The following MTX2 variants were observed in gnomAD, a reference collection of about 807,000 sequenced individuals.
The protein encoded by MTX2 is metaxin-2.
Under a neutral mutation model 42.3 loss-of-function variants are expected in MTX2, and 35 were observed. The ratio of observed to expected loss-of-function variants is 0.83; its 90% confidence interval spans 0.63 to 1.10. The LOEUF is 1.10. Ranked by LOEUF, MTX2 falls within the 50% of genes least tolerant of loss-of-function variation. The pLI is 0.00. For synonymous variants in MTX2, 119 were observed against 100.9 expected (o/e 1.18, Z -1.08); for missense variants, 307 against 304.1 (o/e 1.01, Z -0.07).
chr2:176,277,077 G>A (rs1692966467), intron 1 of MTX2, among the ~76,000 whole-genome samples: 1 of 152,154 alleles, frequency 6.6e-6, no homozygotes, highest in Non-Finnish European at 1.5e-5. Flanking sequence ...TAGTTTTGCA[G>A]CGTTCCATGG....
chr2:176,326,753 AT>A (rs977606270), intron 4 of MTX2, 71 bp from the exon 5 acceptor site: 59 of 998,520 alleles, frequency 5.9e-5, no homozygotes, highest in South Asian at 8.7e-5. Flanking sequence ...TTTTGTGTTA[AT>A]TTTTTTTAAT....
chr2:176,328,446 ATCTT>A (rs1477813944), intron 6 of MTX2, 61 bp downstream of exon 6: 5 of 1,079,190 alleles, frequency 4.6e-6, no homozygotes, highest in Non-Finnish European at 6.5e-6. Context: ...ATAAAATATA[ATCTT>A]TCTTATGGGT....
At chr2:176,310,840 G>A (rs112940229) in intron 3 of MTX2, among the ~76,000 whole-genome samples, 1 of 152,100 alleles carries the variant, frequency 6.6e-6, no homozygotes, top group Non-Finnish European at 1.5e-5. Context: ...CTATGGGTTT[G>A]AACATCCTCC....
At chr2:176,281,993 T>G (rs1693087520) in intron 1 of MTX2, among the ~76,000 whole-genome samples, 1 of 152,170 alleles carries the variant, frequency 6.6e-6, no homozygotes, top group Non-Finnish European at 1.5e-5. Flanking sequence ...TCTGTGTGTC[T>G]TTGATTAGGA....
At chr2:176,279,040 A>G (rs575925420) in intron 1 of MTX2, among the ~76,000 whole-genome samples, 47 of 152,322 alleles carry the variant, frequency 3.1e-4, no homozygotes, top group Non-Finnish European at 4.7e-4. Flanking sequence ...TGTCATGACA[A>G]TTCTCGTTAA....
At chr2:176,283,677 T>C (rs1243453960) in intron 1 of MTX2, among the ~76,000 whole-genome samples, 1 of 152,214 alleles carries the variant, frequency 6.6e-6, no homozygotes, top group Non-Finnish European at 1.5e-5. Context: ...CTTAAAAACA[T>C]AGGTGCTGAC....
At chr2:176,326,154 A>G (rs996443574) in intron 4 of MTX2, among the ~76,000 whole-genome samples, 2 of 151,714 alleles carry the variant, frequency 1.3e-5, no homozygotes, top group African/African-American at 4.8e-5. Context: ...TTAAAGTGAA[A>G]TATTTCTTTT....
At chr2:176,320,024 A>C (rs761096729) in intron 3 of MTX2, among the ~76,000 whole-genome samples, 3 of 152,146 alleles carry the variant, frequency 2.0e-5, no homozygotes, top group Admixed American at 6.6e-5. Context: ...TGTGACATCA[A>C]ACTTTTTTGT....
intron 3 of MTX2, among the ~76,000 whole-genome samples, chr2:176,319,757 G>C (rs1481272471): frequency 6.6e-6 from 1 of 151,964 alleles, no homozygotes. Flanking sequence ...TGTATTGTTA[G>C]TAGAGTCAGG....
At position 176,337,670 on chromosome 2, in the gene MTX2, T is replaced by A. The variant is rs115530430; in HGVS notation, c.*6T>A. ...GTAAAGGCAGGCTGTCATAGAGTTATGTGTTAGTCTCAGGAGTCTTAACTT... is the reference window on the plus strand; with the variant it reads ...GTAAAGGCAGGCTGTCATAGAGTTAAGTGTTAGTCTCAGGAGTCTTAACTT... On this transcript the variant is annotated 3_prime_UTR_variant, in exon 10 of 10. Coordinates refer to ENST00000249442, the MANE Select transcript of MTX2 (RefSeq NM_006554.5). The A allele has an allele frequency of 9.8e-4, 1,549 of 1,581,714 alleles. 17 individuals are homozygous for A. In the African/African-American group the frequency reaches 0.019, roughly 20 times the overall value.
intron 3 of MTX2, among the ~76,000 whole-genome samples, chr2:176,316,199 T>C (rs191029875): frequency 5.3e-5 from 8 of 152,296 alleles, no homozygotes; most frequent in Non-Finnish European, 8.8e-5. Flanking sequence ...TGTAGGCCTT[T>C]TTGAACTATG....
At chr2:176,277,565 G>A (rs1229577484) in intron 1 of MTX2, among the ~76,000 whole-genome samples, 1 of 152,000 alleles carries the variant, frequency 6.6e-6, no homozygotes, top group Non-Finnish European at 1.5e-5. Context: ...ACCACACCTG[G>A]CTAATTTTGT....
intron 4 of MTX2, among the ~76,000 whole-genome samples, chr2:176,325,948 T>G (rs1211611664): frequency 6.6e-6 from 1 of 151,084 alleles, no homozygotes; most frequent in Admixed American, 6.7e-5. Context: ...ACTTCATCCA[T>G]TACCCCCAGG....
In MTX2 at chr2:176,308,714, A is replaced by G. The variant is rs183504568; in HGVS notation, c.135+10819A>G. On this transcript the variant is annotated intron_variant, in intron 3 of 9. Transcript: ENST00000249442. Reference sequence around the variant, plus strand: ...ATAGTATTCTCTGATGGTAGGTTGTATTTCTTTGGGATCGTTGGTGATATC... The same window carrying G: ...ATAGTATTCTCTGATGGTAGGTTGTGTTTCTTTGGGATCGTTGGTGATATC... 1.7e-3 allele frequency among the ~76,000 whole-genome samples: 266 copies of G among 152,088 alleles called. 2 individuals are homozygous for G. Among genetic ancestry groups the G allele is most frequent in the African/African-American group, 5.8e-3 (242 of 41,444 alleles).
intron 8 of MTX2, among the ~76,000 whole-genome samples, 153 bp downstream of exon 8, chr2:176,329,579 A>G (rs561135137): frequency 5.3e-5 from 8 of 151,350 alleles, no homozygotes; most frequent in Admixed American, 5.3e-4. Flanking sequence ...TTATTTCTAA[A>G]AAATCATACA....
chr2:176,294,137 TTAA>T (rs1311119174), intron 1 of MTX2, among the ~76,000 whole-genome samples: 2 of 152,192 alleles, frequency 1.3e-5, no homozygotes, highest in Non-Finnish European at 2.9e-5. Context: ...CTTTAGATTC[TTAA>T]TAAGAGAGCT....
At chr2:176,310,603 C>A (rs781268352) in intron 3 of MTX2, among the ~76,000 whole-genome samples, 27 of 152,216 alleles carry the variant, frequency 1.8e-4, no homozygotes, top group Middle Eastern at 3.4e-3. Context: ...TTCCTTTTGA[C>A]TCTTTTTTCT....
At chr2:176,291,296 A>T (rs993308756) in intron 1 of MTX2, among the ~76,000 whole-genome samples, 1 of 152,100 alleles carries the variant, frequency 6.6e-6, no homozygotes, top group Non-Finnish European at 1.5e-5. Context: ...AATTTTTCTT[A>T]TCTTCCCTGC....
At chr2:176,286,670 C>T (rs1217784424) in intron 1 of MTX2, among the ~76,000 whole-genome samples, 1 of 152,078 alleles carries the variant, frequency 6.6e-6, no homozygotes, top group Non-Finnish European at 1.5e-5. Context: ...CTGCCTCAGC[C>T]TCCCAAGTAG....
Sources: allele counts gnomAD v4.1 joint callset (sites outside exome capture counted in the v4.1 genomes callset), GRCh38; gene constraint gnomAD v4.1.1; transcripts MANE v1.5; gene names NCBI Gene and HGNC (gene_info 2026-07-23, HGNC 2026-07-21).